The following UNC79 variants were observed in gnomAD, a reference collection of about 807,000 sequenced individuals.
UNC79 encodes unc-79 subunit of NALCN channel complex.
UNC79 carries 37 observed loss-of-function variants against 283.1 expected under a neutral mutation model. That is an observed-to-expected ratio of 0.13 (90% CI 0.10 to 0.17). The LOEUF (loss-of-function observed/expected upper bound fraction) is 0.17. Ranked by LOEUF, UNC79 falls within the 10% of genes least tolerant of loss-of-function variation. The pLI is 1.00. For missense variants in UNC79, 2,272 were observed against 3,211.1 expected (o/e 0.71, Z 7.07); for synonymous variants, 1,107 against 1,200.2 (o/e 0.92, Z 1.61).
chr14:93,658,611 T>C (rs2071208222), intron 38 of UNC79, among the ~76,000 whole-genome samples: 1 of 152,200 alleles, frequency 6.6e-6, no homozygotes, highest in Non-Finnish European at 1.5e-5. Flanking sequence ...CTTGAATGGA[T>C]AGGTAAGGCA....
intron 1 of UNC79, among the ~76,000 whole-genome samples, chr14:93,415,198 A>G (rs1176335845): frequency 6.6e-6 from 1 of 152,196 alleles, no homozygotes; most frequent in African/African-American, 2.4e-5. Flanking sequence ...ACGTCCCATC[A>G]ATACCTAATT....
intron 22 of UNC79, among the ~76,000 whole-genome samples, chr14:93,591,002 T>G (rs925713070): frequency 2.0e-5 from 3 of 152,218 alleles, no homozygotes. Flanking sequence ...TCTGCACATC[T>G]TGTTTAAAGC....
At chr14:93,399,992 T>C (rs1393354236) in intron 1 of UNC79, among the ~76,000 whole-genome samples, 2 of 152,174 alleles carry the variant, frequency 1.3e-5, no homozygotes, top group African/African-American at 2.4e-5. Flanking sequence ...CCTGGGAGTT[T>C]TAGGGACTTT....
intron 24 of UNC79, among the ~76,000 whole-genome samples, chr14:93,598,708 G>A (rs1347409863): frequency 1.3e-5 from 2 of 152,132 alleles, no homozygotes; most frequent in African/African-American, 4.8e-5. Context: ...TTTTAGTAAA[G>A]ACAGGGTTTT....
intron 1 of UNC79, among the ~76,000 whole-genome samples, chr14:93,392,935 A>T (rs1353883868): frequency 6.6e-6 from 1 of 152,230 alleles, no homozygotes; most frequent in Non-Finnish European, 1.5e-5. Flanking sequence ...TAGTAAAATT[A>T]TAAAAATAAT....
At chr14:93,540,776 A>T (rs2061336388) in exon 13 of UNC79, 2 of 1,613,590 alleles carry the variant, frequency 1.2e-6, no homozygotes, top group Non-Finnish European at 1.7e-6. Flanking sequence ...TTTGATAACA[A>T]GGACGATGAT....
intron 1 of UNC79, among the ~76,000 whole-genome samples, chr14:93,344,901 T>G (rs973984487): frequency 6.6e-6 from 1 of 152,060 alleles, no homozygotes; most frequent in Admixed American, 6.6e-5. Flanking sequence ...AGTTGCCCAG[T>G]GGAAATGTAA....
chr14:93,612,143 G>C (rs540938571), intron 26 of UNC79, among the ~76,000 whole-genome samples: 1 of 152,306 alleles, frequency 6.6e-6, no homozygotes, highest in South Asian at 2.1e-4. Flanking sequence ...AAAAGTTCAT[G>C]CTTCGCTCTC....
chr14:93,556,606 T>TTAA (rs1199521200), intron 14 of UNC79, among the ~76,000 whole-genome samples: 1 of 151,886 alleles, frequency 6.6e-6, no homozygotes, highest in African/African-American at 2.4e-5. Flanking sequence ...AGAAATTACC[T>TTAA]TAAGTCCTCT....
At chr14:93,383,611 T>C (rs745420236) in intron 1 of UNC79, among the ~76,000 whole-genome samples, 4 of 152,192 alleles carry the variant, frequency 2.6e-5, no homozygotes, top group Non-Finnish European at 5.9e-5. Flanking sequence ...CAAGGTGTAC[T>C]CTCTGCTGGT....
intron 26 of UNC79, among the ~76,000 whole-genome samples, chr14:93,610,351 C>T (rs1057260312): frequency 1.3e-5 from 2 of 152,090 alleles, no homozygotes; most frequent in African/African-American, 4.8e-5. Context: ...GGAGTTGAGC[C>T]AGTGTGAACA....
At chr14:93,631,382 C>G (rs1596151348) in intron 31 of UNC79, among the ~76,000 whole-genome samples, 1 of 152,196 alleles carries the variant, frequency 6.6e-6, no homozygotes, top group East Asian at 1.9e-4. Context: ...GAATTTAGCT[C>G]TTTTGGATTG....
At chr14:93,505,377 C>T (rs933331794) in intron 7 of UNC79, among the ~76,000 whole-genome samples, 1 of 151,998 alleles carries the variant, frequency 6.6e-6, no homozygotes, top group African/African-American at 2.4e-5. Flanking sequence ...CAGTATCTTC[C>T]CAGCTAATTG....
intron 1 of UNC79, among the ~76,000 whole-genome samples, chr14:93,371,512 T>C (rs752864008): frequency 6.6e-6 from 1 of 151,244 alleles, no homozygotes; most frequent in Non-Finnish European, 1.5e-5. Flanking sequence ...AGGAAACCAG[T>C]GGGGAAAAAA....
chr14:93,614,658 C>G lies in UNC79; in HGVS notation c.4041+1575C>G, dbSNP rs571011936. 7.2e-3 allele frequency among the ~76,000 whole-genome samples: 1,089 copies of G among 151,308 alleles called. 3 individuals are homozygous for G. The highest frequency in any genetic ancestry group is 0.013 in the Non-Finnish European group (896 of 67,822). On this transcript the variant is annotated intron_variant, in intron 27 of 48. Coordinates refer to ENST00000555664, the Ensembl canonical transcript of UNC79. ...TTTAAAAAAAAAAAAAAAAAATCCT[C>G]TTCCTTTTTTGGCTTCAGGTGGAGA... is the stretch of plus-strand genomic sequence containing the variant.
rs2067102799 is a variant in UNC79, at chr14:93,621,173, A to AGT, written c.4388-447_4388-446dup. On this transcript the variant is annotated intron_variant, in intron 29 of 48. Coordinates refer to ENST00000555664, the Ensembl canonical transcript of UNC79. This position sits in a 1 kb window ranked among gnomAD's most constrained non-coding sequence, Gnocchi z 4.8. Reference sequence around the variant, plus strand: ...GATTTATATATATGTATGCACAAACAGTATATATATATACACATTTATATA... The same window carrying AGT: ...GATTTATATATATGTATGCACAAACAGTGTATATATATATACACATTTATATA... The AGT allele has an allele frequency of 2.9e-6, 1 of 348,374 alleles. No homozygotes were observed. The highest frequency in any genetic ancestry group is 5.6e-6 in the Non-Finnish European group (1 of 177,128). 21.6% of individuals were successfully genotyped at this position (348,374 alleles called of 1,614,324 possible). A position where few individuals can be genotyped will look rare whatever the true frequency, so the allele number is the denominator to read the frequency against.
intron 1 of UNC79, among the ~76,000 whole-genome samples, chr14:93,363,728 T>C (rs2054270939): frequency 6.6e-6 from 1 of 151,052 alleles, no homozygotes; most frequent in African/African-American, 2.4e-5. Context: ...ATGCCTTTCT[T>C]TTTTTTTTGA....
At chr14:93,646,793 C>T (rs559941798) in intron 35 of UNC79, 147 bp downstream of exon 38, 25 of 741,970 alleles carry the variant, frequency 3.4e-5, no homozygotes, top group African/African-American at 8.8e-5. Flanking sequence ...GAGGATCACT[C>T]GAGCCCGGGA....
intron 24 of UNC79, among the ~76,000 whole-genome samples, chr14:93,600,007 C>T (rs547068430): frequency 5.3e-5 from 8 of 152,106 alleles, no homozygotes; most frequent in East Asian, 1.9e-4. Context: ...CGAGACCATC[C>T]GGCTAACACA....
Sources: gnomAD v4.1 joint callset for allele counts (sites outside exome capture counted in the v4.1 genomes callset) on GRCh38, gnomAD v4.1.1 for gene constraint, Gnocchi (gnomAD v3.1) non-coding constraint, MANE v1.5 for transcripts, NCBI Gene and HGNC (gene_info 2026-07-23, HGNC 2026-07-21) for gene names.